The following ADGRD1 variants were observed in gnomAD, a reference collection of about 807,000 sequenced individuals.
ADGRD1 encodes the protein adhesion G protein-coupled receptor D1.
Under a neutral mutation model 113.4 loss-of-function variants are expected in ADGRD1, and 77 were observed. That is an observed-to-expected ratio of 0.68 (90% CI 0.57 to 0.82). The LOEUF (loss-of-function observed/expected upper bound fraction) is 0.82. Among genes scored for constraint, ADGRD1 ranks in the 40% least tolerant of loss-of-function variants. The pLI, the probability that ADGRD1 is intolerant of heterozygous loss-of-function variation, is 0.00. For missense variants in ADGRD1, 1,036 were observed against 1,139.1 expected (o/e 0.91, Z 1.30); for synonymous variants, 474 against 475.0 (o/e 1.00, Z 0.03).
Position 130,966,030 on chromosome 12 carries a change from T to C in ADGRD1, c.104-433T>C, listed in dbSNP as rs779319459. On this transcript the variant is annotated intron_variant, in intron 2 of 24. Transcript: ENST00000261654. This position sits in a 1 kb window ranked among gnomAD's most constrained non-coding sequence, Gnocchi z 4.6. ...ACCTCAGTGTCTGGCATACCATTCATGTTAGTTTTCTCCTCTTTTAAAATG... is the reference window on the plus strand; with the variant it reads ...ACCTCAGTGTCTGGCATACCATTCACGTTAGTTTTCTCCTCTTTTAAAATG... Among the ~76,000 whole-genome samples, 5 of 152,246 alleles carry C rather than the reference T, an allele frequency of 3.3e-5. No individual in the cohort carries two copies. The highest frequency in any genetic ancestry group is 5.9e-5 in the Non-Finnish European group (4 of 68,044).
chr12:131,021,485 A>G (rs543447803), intron 13 of ADGRD1, among the ~76,000 whole-genome samples: 115 of 152,306 alleles, frequency 7.6e-4, no homozygotes, highest in Non-Finnish European at 7.3e-4. Context: ...ACGCCAGGGA[A>G]GTGAAATGGT....
rs1359025553 is a variant in ADGRD1 at position 130,959,912 on chromosome 12, G to A, written c.103+5252G>A. On this transcript the variant is annotated intron_variant, in intron 2 of 24. Coordinates refer to ENST00000261654, the MANE Select transcript of ADGRD1 (RefSeq NM_198827.5). ...GTTGAGGGACCGTGGGGACTATTGA[G>A]CCACTTCTCACTTTACAGGGAAGCC... is the stretch of plus-strand genomic sequence containing the variant. Among the ~76,000 whole-genome samples the A allele has an allele frequency of 2.6e-5, 4 of 152,196 alleles. No homozygotes were observed. In the East Asian group the frequency reaches 7.7e-4, roughly 29 times the overall value.
intron 12 of ADGRD1, among the ~76,000 whole-genome samples, chr12:131,013,711 G>T (rs996600461): frequency 4.6e-5 from 7 of 152,164 alleles, no homozygotes; most frequent in African/African-American, 1.7e-4. Context: ...TGAATACTGG[G>T]TGGGCAAAAC....
intron 18 of ADGRD1, among the ~76,000 whole-genome samples, chr12:131,116,296 T>A (rs1277834162): frequency 1.3e-5 from 2 of 152,238 alleles, no homozygotes; most frequent in Non-Finnish European, 2.9e-5. Flanking sequence ...CAGTCACTGC[T>A]GGGCCCCAAC....
chr12:131,002,032 A>G (rs1444254484), intron 9 of ADGRD1, among the ~76,000 whole-genome samples: 3 of 152,242 alleles, frequency 2.0e-5, no homozygotes, highest in Admixed American at 2.0e-4. Context: ...AGAATGTAAG[A>G]TGGATACAGT....
intron 4 of ADGRD1, among the ~76,000 whole-genome samples, chr12:130,976,365 G>T (rs1162795616): frequency 1.3e-5 from 2 of 152,156 alleles, no homozygotes; most frequent in Admixed American, 6.5e-5. Flanking sequence ...AGCCTGAGCT[G>T]CCACGATGCT....
At chr12:131,031,258 T>G (rs1383080822) in intron 13 of ADGRD1, among the ~76,000 whole-genome samples, 2 of 152,212 alleles carry the variant, frequency 1.3e-5, no homozygotes, top group Non-Finnish European at 1.5e-5. Context: ...CACTCACGTC[T>G]GGGGCAGCCT....
At chr12:130,958,453 G>A (rs1420658320) in intron 2 of ADGRD1, among the ~76,000 whole-genome samples, 1 of 152,098 alleles carries the variant, frequency 6.6e-6, no homozygotes, top group African/African-American at 2.4e-5. Context: ...GCCTGCCTCG[G>A]CCTCCCAAAG....
intron 15 of ADGRD1, among the ~76,000 whole-genome samples, chr12:131,090,096 G>A (rs1467348): frequency 6.6e-6 from 1 of 152,018 alleles, no homozygotes; most frequent in African/African-American, 2.4e-5. Context: ...TTACGGTCTC[G>A]ATCCGTCACC....
At chr12:131,021,342 C>T (rs745657277) in intron 13 of ADGRD1, among the ~76,000 whole-genome samples, 5 of 152,110 alleles carry the variant, frequency 3.3e-5, no homozygotes, top group Admixed American at 6.5e-5. Context: ...GCAGTCTGTA[C>T]GGGTTCTTAG....
At chr12:130,957,173 C>T (rs933216412) in intron 2 of ADGRD1, 3 of 152,396 alleles carry the variant, frequency 2.0e-5, no homozygotes, top group Non-Finnish European at 4.4e-5. Flanking sequence ...CGTGCATCAA[C>T]ATACATGTAT....
intron 13 of ADGRD1, among the ~76,000 whole-genome samples, chr12:131,061,496 G>C (rs965024666): frequency 6.6e-6 from 1 of 152,196 alleles, no homozygotes; most frequent in African/African-American, 2.4e-5. Flanking sequence ...CTCATTTATA[G>C]TTGATCTGAT....
intron 2 of ADGRD1, among the ~76,000 whole-genome samples, chr12:130,959,481 G>C (rs1014149238): frequency 1.3e-5 from 2 of 152,158 alleles, no homozygotes; most frequent in African/African-American, 4.8e-5. Context: ...TGAGGTGGGA[G>C]GATCACTTGA....
rs1871064649 is a variant in ADGRD1, at chr12:130,966,898, G to T, written c.187+352G>T. On this transcript the variant is annotated intron_variant, in intron 3 of 24. Coordinates refer to ENST00000261654, the MANE Select transcript of ADGRD1 (RefSeq NM_198827.5). The surrounding 1 kb of genome is among the most constrained non-coding windows in gnomAD (Gnocchi z 4.6). ...GCCTCCCAAAGTGCTGGAATTACAG[G>T]CGTGAGCCACTGTGCCAGGCCACGA... is the stretch of plus-strand genomic sequence containing the variant. 2.3e-6 allele frequency: 1 copy of T among 436,400 alleles called. No homozygotes were observed. The highest frequency in any genetic ancestry group is 2.0e-5 in the African/African-American group (1 of 50,352). The allele number at this position is 436,400 out of a possible 1,614,324, so 27.0% of individuals were successfully genotyped here. A position where few individuals can be genotyped will look rare whatever the true frequency, so the allele number is the denominator to read the frequency against.
At chr12:130,957,709 C>T (rs185973707) in intron 2 of ADGRD1, 1 of 152,350 alleles carries the variant, frequency 6.6e-6, no homozygotes, top group East Asian at 1.9e-4. Flanking sequence ...ATCAACATTT[C>T]CTGATCAAGG....
chr12:131,076,479 G>C (rs1296196146), intron 13 of ADGRD1, among the ~76,000 whole-genome samples: 1 of 152,030 alleles, frequency 6.6e-6, no homozygotes, highest in Non-Finnish European at 1.5e-5. Context: ...GCTACCTGGT[G>C]GGGAGTGGGG....
intron 13 of ADGRD1, 68 bp from the exon 14 acceptor site, chr12:131,076,733 C>T: frequency 7.4e-7 from 1 of 1,356,568 alleles, no homozygotes; most frequent in Non-Finnish European, 1.1e-6. Flanking sequence ...CTCGCTCTCA[C>T]ATCAGTGCTG....
At chr12:131,069,858 A>G (rs1486798793) in intron 13 of ADGRD1, 3 of 152,280 alleles carry the variant, frequency 2.0e-5, no homozygotes, top group Non-Finnish European at 4.4e-5. Flanking sequence ...CGTTTTGAGT[A>G]GCCTAATGAG....
At chr12:131,001,275 A>G (rs972163892) in intron 9 of ADGRD1, among the ~76,000 whole-genome samples, 5 of 152,208 alleles carry the variant, frequency 3.3e-5, no homozygotes, top group African/African-American at 1.2e-4. Flanking sequence ...AATTTTTCCT[A>G]TATTTCTGAA....
Sources: gnomAD v4.1 joint callset for allele counts (sites outside exome capture counted in the v4.1 genomes callset) on GRCh38, gnomAD v4.1.1 for gene constraint, Gnocchi (gnomAD v3.1) non-coding constraint, MANE v1.5 for transcripts, NCBI Gene and HGNC (gene_info 2026-07-23, HGNC 2026-07-21) for gene names.